MROH2B: variants seen among roughly 807,000 people sequenced by gnomAD.
MROH2B encodes the protein maestro heat like repeat family member 2B, also known as maestro heat-like repeat-containing protein family member 2B.
MROH2B carries 177 observed loss-of-function variants against 208.6 expected under a neutral mutation model. The observed-to-expected ratio is 0.85, with a 90% confidence interval of 0.75 to 0.96. The LOEUF (loss-of-function observed/expected upper bound fraction) is 0.96, where lower values mean the gene tolerates loss of function less well. MROH2B is among the 40% of genes least tolerant of loss of function. The probability of loss-of-function intolerance (pLI) is 0.00; values close to 1 mark genes in which losing one functional copy is unlikely to be tolerated. For missense variants in MROH2B, 2,002 were observed against 1,878.7 expected, an observed-to-expected ratio of 1.07 and a Z score of -1.21; for synonymous variants, 728 against 659.0, an observed-to-expected ratio of 1.10 and a Z score of -1.60.
intron 24 of MROH2B, among the ~76,000 whole-genome samples, chr5:41,032,082 G>A (rs1742590105): frequency 6.6e-6 from 1 of 151,850 alleles, no homozygotes; most frequent in African/African-American, 2.4e-5. Flanking sequence ...TTATCCCCTG[G>A]GTATATACCA....
In MROH2B at chr5:41,045,740, A is replaced by G. The variant is rs772694441; in HGVS notation, c.1836+6T>C. The G allele has an allele frequency of 6.2e-7, 1 of 1,612,336 alleles. No homozygotes were observed. The highest frequency in any genetic ancestry group is 8.5e-7 in the Non-Finnish European group (1 of 1,178,778). ...GCTAAGGTTTCCCCTCAGCTGAAAA[A>G]CCAACCTTCTCAGTGGAGTTATTGC... On this transcript the variant is annotated splice_donor_region_variant and intron_variant, in intron 18 of 41. Transcript: ENST00000399564.
chr5:41,026,624 T>G (rs1039749804), intron 24 of MROH2B, among the ~76,000 whole-genome samples: 1 of 152,180 alleles, frequency 6.6e-6, no homozygotes, highest in African/African-American at 2.4e-5. Context: ...AGGTAATTTA[T>G]AGATTCAATG....
intron 17 of MROH2B, among the ~76,000 whole-genome samples, chr5:41,046,646 A>G (rs1278123422): frequency 6.6e-6 from 1 of 152,144 alleles, no homozygotes; most frequent in Non-Finnish European, 1.5e-5. Flanking sequence ...ATGTGCAGAC[A>G]GTTTTGGAAA....
At chr5:40,998,785 G>A (rs1741292748) in intron 40 of MROH2B, 108 bp from the exon 41 acceptor site, 1 of 863,556 alleles carries the variant, frequency 1.2e-6, no homozygotes, top group Non-Finnish European at 1.8e-6. Context: ...TGGTAGGCTG[G>A]TGAATGAGCA....
At chr5:41,011,881 T>C (rs1741784125) in intron 30 of MROH2B, among the ~76,000 whole-genome samples, 1 of 152,214 alleles carries the variant, frequency 6.6e-6, no homozygotes, top group Admixed American at 6.5e-5. Flanking sequence ...TTGCTCAGGC[T>C]GGTCTCAAAC....
At chr5:41,014,961 G>A (rs1322100567) in intron 29 of MROH2B, among the ~76,000 whole-genome samples, 1 of 152,212 alleles carries the variant, frequency 6.6e-6, no homozygotes, top group Non-Finnish European at 1.5e-5. Context: ...TATGGTAGGT[G>A]CTCAGGAGAA....
Position 41,049,568 on chromosome 5 carries a change from G to T in MROH2B, c.1345-132C>A, listed in dbSNP as rs1743225423. 2.8e-6 allele frequency: 3 copies of T among 1,064,658 alleles called. No homozygotes were observed. In the African/African-American group the frequency reaches 4.8e-5, roughly 17 times the overall value. 66.0% of individuals were successfully genotyped at this position (1,064,658 alleles called of 1,614,324 possible). A position where few individuals can be genotyped will look rare whatever the true frequency, so the allele number is the denominator to read the frequency against. Reference sequence around the variant, plus strand: ...TATTTTGCTTTTTGGGCCAAGTCAAGATGAGATCATTAAAGGAAGCCTCTG... The same window carrying T: ...TATTTTGCTTTTTGGGCCAAGTCAATATGAGATCATTAAAGGAAGCCTCTG... On this transcript the variant is annotated intron_variant, in intron 13 of 41. Transcript: ENST00000399564.
chr5:41,000,875 G>A (rs1741377596), intron 37 of MROH2B, 42 bp from the exon 38 acceptor site: 2 of 1,575,088 alleles, frequency 1.3e-6, no homozygotes, highest in African/African-American at 2.7e-5. Context: ...TCCTCTCAGA[G>A]GCCATTCCCT....
At chr5:41,065,725 C>T (rs571045677) in intron 3 of MROH2B, among the ~76,000 whole-genome samples, 7 of 152,156 alleles carry the variant, frequency 4.6e-5, no homozygotes, top group South Asian at 2.1e-4. Flanking sequence ...TCTGCAAAAA[C>T]GTCTACTGAC....
At chr5:41,016,200 T>G (rs1741943025) in intron 28 of MROH2B, among the ~76,000 whole-genome samples, 1 of 140,816 alleles carries the variant, frequency 7.1e-6, no homozygotes, top group African/African-American at 2.6e-5. Flanking sequence ...AACTGAGAAG[T>G]GTCCATGAGT....
At position 41,061,713 on chromosome 5, in the gene MROH2B, A is replaced by C. The variant is rs202053631; in HGVS notation, c.472T>G (p.Phe158Val). 2 of 1,613,712 alleles carry C rather than the reference A, an allele frequency of 1.2e-6. No homozygotes were observed. Among genetic ancestry groups the C allele is most frequent in the African/African-American group, 2.7e-5 (2 of 75,056 alleles). Residue 158 changes from phenylalanine (F) to valine (V), a missense_variant, in exon 6 of 42, where the codon TTC (phenylalanine) becomes GTC (valine). Physicochemically the swap from Phe to Val is conservative, Grantham distance 50 (BLOSUM62 -1). Transcript: ENST00000399564. ...ACATATTTGTAAATGGCTTTGCTGA[A>C]TTTCTCAAGGGCTGCATTTAAAACA... ...KGTFCIALEK[F>V]SKAIYKYVNH...
At chr5:41,005,729 T>C (rs2111811475) in intron 34 of MROH2B, 84 bp from the exon 35 acceptor site, 1 of 1,189,518 alleles carries the variant, frequency 8.4e-7, no homozygotes, top group East Asian at 2.6e-5. Context: ...GGCAAGTAAT[T>C]TGTCTAAAAA....
intron 19 of MROH2B, among the ~76,000 whole-genome samples, chr5:41,040,735 C>T (rs547444102): frequency 1.5e-4 from 23 of 152,160 alleles, no homozygotes; most frequent in African/African-American, 5.3e-4. Flanking sequence ...GGTGCGATCT[C>T]GGCTCACTGC....
At chr5:41,052,056 G>A (rs191614414) in intron 12 of MROH2B, among the ~76,000 whole-genome samples, 48 of 152,216 alleles carry the variant, frequency 3.2e-4, no homozygotes, top group South Asian at 1.5e-3. Context: ...CACCGTTGCA[G>A]CAAGAATTGA....
intron 5 of MROH2B, among the ~76,000 whole-genome samples, chr5:41,063,297 TAGTATAGCTGC>T (rs1447198819): frequency 6.6e-6 from 1 of 152,184 alleles, no homozygotes; most frequent in Non-Finnish European, 1.5e-5. Flanking sequence ...TGGGTTAGTG[TAGTATAGCTGC>T]ACAGGTCCTT....
Position 41,026,412 on chromosome 5 carries a change from A to T in MROH2B, c.2441+6330T>A, listed in dbSNP as rs538774547. ...CAATAACAGACAAACACAGAGCCAA[A>T]TCATGAGTGAACTCCCATTCACAAT... On this transcript the variant is annotated intron_variant, in intron 24 of 41. Transcript: ENST00000399564. Among the ~76,000 whole-genome samples, 50 of 152,326 alleles carry T rather than the reference A, an allele frequency of 3.3e-4. 1 individual carries two copies. The highest frequency in any genetic ancestry group is 1.4e-3 in the Admixed American group (22 of 15,304).
intron 6 of MROH2B, among the ~76,000 whole-genome samples, chr5:41,059,742 A>T (rs1455198420): frequency 6.6e-6 from 1 of 152,014 alleles, no homozygotes; most frequent in Non-Finnish European, 1.5e-5. Context: ...CTCTTAGCAC[A>T]TTCCCTATTC....
chr5:40,999,975 T>C (rs1408331905), intron 39 of MROH2B, 196 bp from the exon 40 acceptor site: 1 of 678,088 alleles, frequency 1.5e-6, no homozygotes, highest in African/African-American at 1.8e-5. Context: ...AAGGGATTAA[T>C]CAACAGATAT....
At chr5:41,033,742 T>C in intron 22 of MROH2B, 96 bp downstream of exon 22, 4 of 1,003,100 alleles carry the variant, frequency 4.0e-6, no homozygotes, top group East Asian at 5.3e-5. Context: ...TGGAATCAAA[T>C]CAAAAGGACA....
Sources: gnomAD v4.1 joint callset for allele counts (sites outside exome capture counted in the v4.1 genomes callset) on GRCh38, gnomAD v4.1.1 for gene constraint, MANE v1.5 for transcripts, NCBI Gene and HGNC (gene_info 2026-07-23, HGNC 2026-07-21) for gene names.